The following TM2D3 variants were observed in gnomAD, a reference collection of about 807,000 sequenced individuals.
The protein encoded by TM2D3 is TM2 domain containing 3, also known as TM2 domain-containing protein 3.
TM2D3 carries 33 observed loss-of-function variants against 27.3 expected under a neutral mutation model. The ratio of observed to expected loss-of-function variants is 1.21; its 90% CI spans 0.92 to 1.61. TM2D3 has a LOEUF of 1.61. Ranked by LOEUF, TM2D3 falls within the 40% of genes most tolerant of loss-of-function variation. The pLI is 0.00. For synonymous variants in TM2D3, 138 were observed against 122.2 expected, an observed-to-expected ratio of 1.13 and a Z score of -0.85; for missense variants, 364 against 320.8, an observed-to-expected ratio of 1.13 and a Z score of -1.03.
chr15:101,651,851 C>T (rs965764135), intron 1 of TM2D3, 78 bp from the exon 2 acceptor site: 16 of 1,461,772 alleles, frequency 1.1e-5, no homozygotes, highest in Admixed American at 1.7e-5. Context: ...GTTAACACGG[C>T]GGGTCTACAC....
Position 101,641,949 on chromosome 15 carries a change from T to G in TM2D3, c.*530A>C. On this transcript the variant is annotated 3_prime_UTR_variant, in exon 6 of 6. Coordinates refer to ENST00000333202, the MANE Select transcript of TM2D3 (RefSeq NM_078474.3). The stretch of plus-strand genomic sequence containing the variant: ...TAGACATAAACATTCTGCAGTTTAA[T>G]TCAAATTTTCATATATACAGACCAG... The G allele has an allele frequency of 2.0e-6, 2 of 985,276 alleles. No individual in the cohort carries two copies. Among genetic ancestry groups the G allele is most frequent in the Non-Finnish European group, 2.4e-6 (2 of 829,770 alleles). 61.0% of individuals were successfully genotyped at this position (985,276 alleles called of 1,614,324 possible). A position where few individuals can be genotyped will look rare whatever the true frequency, so the allele number is the denominator to read the frequency against.
At chr15:101,652,122 G>C (rs1406695453) in intron 1 of TM2D3, 149 bp downstream of exon 1, 2 of 731,052 alleles carry the variant, frequency 2.7e-6, no homozygotes, top group African/African-American at 1.9e-5. Flanking sequence ...CAGGGCGCCA[G>C]ACTCCAGATG....
downstream of TM2D3, among the ~76,000 whole-genome samples, chr15:101,640,398 C>T (rs2141359315): frequency 6.6e-6 from 1 of 152,318 alleles, no homozygotes; most frequent in Middle Eastern, 3.4e-3. Context: ...TTTACCAGCA[C>T]CTTCATCTTG....
At chr15:101,633,808 A>G in intron 4 of TM2D3, 1 of 1,263,974 alleles carries the variant, frequency 7.9e-7, no homozygotes, top group Non-Finnish European at 1.1e-6. Context: ...CCAGGAGACA[A>G]TAAAAAATCC....
rs573729555 is a variant in TM2D3, at chr15:101,648,661, C to T, written c.327+1343G>A. On this transcript the variant is annotated intron_variant, in intron 3 of 5. Coordinates refer to ENST00000333202, the MANE Select transcript of TM2D3 (RefSeq NM_078474.3). ...ATTTATGTCACCTACATTTAATGTT[C>T]CCCAATACTTTCACTTAATTTTGGA... is the stretch of plus-strand genomic sequence containing the variant. 5.9e-5 allele frequency among the ~76,000 whole-genome samples: 9 copies of T among 152,296 alleles called. No individual in the cohort carries two copies. In the South Asian group the frequency reaches 1.9e-3, roughly 32 times the overall value.
At chr15:101,634,880 C>T (rs969133819) in intron 4 of TM2D3, 3 of 152,116 alleles carry the variant, frequency 2.0e-5, no homozygotes, top group Non-Finnish European at 4.4e-5. Context: ...TCTTTTGGGC[C>T]AGGTGCAGTG....
downstream of TM2D3, among the ~76,000 whole-genome samples, chr15:101,637,636 G>A (rs1258994944): frequency 6.6e-6 from 1 of 152,208 alleles, no homozygotes; most frequent in East Asian, 1.9e-4. Context: ...AAAGGTCAGA[G>A]TTTAGTCCTC....
At chr15:101,639,586 A>G (rs1896623669), downstream of TM2D3, among the ~76,000 whole-genome samples, 2 of 152,222 alleles carry the variant, frequency 1.3e-5, no homozygotes, top group Non-Finnish European at 2.9e-5. Context: ...TTAAAAAAAA[A>G]GTACAGAGAA....
intron 4 of TM2D3, chr15:101,646,397 GA>G: frequency 3.2e-6 from 1 of 310,360 alleles, no homozygotes; most frequent in Non-Finnish European, 6.0e-6. Flanking sequence ...GCAACCAGGT[GA>G]AGGCAAGCAC....
At position 101,646,599 on chromosome 15, in the gene TM2D3, C is replaced by T. The variant is rs1314591869; in HGVS notation, c.502+126G>A. 1.3e-5 allele frequency: 13 copies of T among 970,358 alleles called. 1 individual carries two copies. In the African/African-American group the frequency reaches 1.6e-4, roughly 12 times the overall value. The allele number at this position is 970,358 out of a possible 1,614,324, so 60.1% of individuals were successfully genotyped here. ...TTGAGTTTATTGATGATGCTTGGCA[C>T]ATCTAAAGAGCTGCTGATAAATGTT... is the stretch of plus-strand genomic sequence containing the variant. On this transcript the variant is annotated intron_variant, in intron 4 of 5. Transcript: ENST00000333202.
chr15:101,639,005 C>A (rs1896609892), downstream of TM2D3, among the ~76,000 whole-genome samples: 1 of 152,202 alleles, frequency 6.6e-6, no homozygotes, highest in African/African-American at 2.4e-5. Flanking sequence ...AGAACCAGAG[C>A]CCTGCCTTCG....
chr15:101,643,065 A>C (rs1158888161), intron 5 of TM2D3, among the ~76,000 whole-genome samples: 1 of 152,136 alleles, frequency 6.6e-6, no homozygotes, highest in Non-Finnish European at 1.5e-5. Context: ...CTAAAATCTT[A>C]ATGTTAGGAA....
At chr15:101,651,635 A>G in intron 2 of TM2D3, 61 bp downstream of exon 2, 2 of 1,500,946 alleles carry the variant, frequency 1.3e-6, no homozygotes, top group Non-Finnish European at 1.8e-6. Context: ...TTTTTATAAA[A>G]ACAAAGAGAA....
At position 101,646,876 on chromosome 15, in the gene TM2D3, C is replaced by G. The variant is rs769839204; in HGVS notation, c.351G>C (p.Lys117Asn). The G allele has an allele frequency of 1.9e-6, 3 of 1,614,182 alleles. No individual in the cohort carries two copies. The South Asian group carries it at 3.3e-5, about 18-fold the overall frequency. ...TCVDQDFKSQ[K>N]NFIINMTCRF... ...TGCAAGTCATGTTAATGATGAAGTTCTTTTGGGATTTGAAGTCTTGATCCT... is the reference window on the plus strand; with the variant it reads ...TGCAAGTCATGTTAATGATGAAGTTGTTTTGGGATTTGAAGTCTTGATCCT... Residue 117 changes from lysine (K) to asparagine (N), a missense_variant, in exon 4 of 6, where the codon AAG (lysine) becomes AAC (asparagine). Physicochemically the swap from Lys to Asn is moderately conservative, Grantham distance 94. Coordinates refer to ENST00000333202, the MANE Select transcript of TM2D3 (RefSeq NM_078474.3).
chr15:101,633,790 C>T (rs767718493), intron 4 of TM2D3: 2 of 1,381,572 alleles, frequency 1.4e-6, no homozygotes, highest in South Asian at 2.6e-5. Flanking sequence ...ACATAATATC[C>T]AACATGTCCA....
intron 3 of TM2D3, among the ~76,000 whole-genome samples, 197 bp from the exon 4 acceptor site, chr15:101,647,096 A>G (rs1484149064): frequency 6.6e-6 from 1 of 152,210 alleles, no homozygotes; most frequent in East Asian, 1.9e-4. Context: ...TAATCATAAA[A>G]CTACACACCC....
downstream of TM2D3, among the ~76,000 whole-genome samples, chr15:101,640,401 T>A (rs1896640247): frequency 6.6e-6 from 1 of 152,204 alleles, no homozygotes; most frequent in South Asian, 2.1e-4. Context: ...ACCAGCACCT[T>A]CATCTTGGAC....
intron 4 of TM2D3, chr15:101,634,710 A>G (rs1896518864): frequency 2.0e-5 from 3 of 152,228 alleles, no homozygotes; most frequent in African/African-American, 7.2e-5. Flanking sequence ...AAATCAACAA[A>G]TTTAAAATAA....
intron 5 of TM2D3, 31 bp from the exon 6 acceptor site, chr15:101,642,675 G>A: frequency 6.4e-7 from 1 of 1,554,900 alleles, no homozygotes; most frequent in African/African-American, 1.4e-5. Context: ...GATTCCATGA[G>A]ACCACCTCCA....
Sources: gnomAD v4.1 joint callset for allele counts (sites outside exome capture counted in the v4.1 genomes callset) on GRCh38, gnomAD v4.1.1 for gene constraint, MANE v1.5 for transcripts, NCBI Gene and HGNC (gene_info 2026-07-23, HGNC 2026-07-21) for gene names.